Variants in SCN11A observed in about 807,000 individuals in gnomAD.
The protein encoded by SCN11A is sodium voltage-gated channel alpha subunit 11, also known as sodium channel protein type 11 subunit alpha.
A neutral mutation model predicts 162.2 loss-of-function variants in SCN11A; 122 were observed. That is an observed-to-expected ratio of 0.75 (90% CI 0.65 to 0.87). The LOEUF is 0.87. SCN11A is among the 40% of genes least tolerant of loss of function. The pLI is 0.00. For missense variants in SCN11A, 2,015 were observed against 2,181.6 expected (o/e 0.92, Z 1.52); for synonymous variants, 758 against 751.5 (o/e 1.01, Z -0.14).
intron 5 of SCN11A, among the ~76,000 whole-genome samples, chr3:38,949,510 T>C (rs1202711143): frequency 2.0e-5 from 3 of 152,236 alleles, no homozygotes; most frequent in Non-Finnish European, 4.4e-5. Context: ...CATCAGTTGT[T>C]GGTTTGAGCC....
chr3:38,940,352 T>C (rs2066422701), intron 7 of SCN11A, among the ~76,000 whole-genome samples: 2 of 152,206 alleles, frequency 1.3e-5, no homozygotes, highest in Non-Finnish European at 2.9e-5. Context: ...ACTAACCAAG[T>C]TGACTATAAA....
At chr3:38,989,186 A>T (rs1443194797) in intron 2 of SCN11A, among the ~76,000 whole-genome samples, 1 of 152,220 alleles carries the variant, frequency 6.6e-6, no homozygotes, top group Non-Finnish European at 1.5e-5. Flanking sequence ...CGCTCTGGTC[A>T]ACAGCCCTAG....
intron 2 of SCN11A, among the ~76,000 whole-genome samples, chr3:39,015,875 T>C (rs1183947070): frequency 6.6e-6 from 1 of 152,136 alleles, no homozygotes; most frequent in Non-Finnish European, 1.5e-5. Context: ...TAGCTGGGAT[T>C]ACAGACACTC....
At chr3:39,005,811 T>A (rs1028062331) in intron 2 of SCN11A, among the ~76,000 whole-genome samples, 1 of 152,262 alleles carries the variant, frequency 6.6e-6, no homozygotes, top group African/African-American at 2.4e-5. Context: ...TGAGCTTTAC[T>A]AATTTTTTCC....
At chr3:39,011,685 AG>A (rs1425434908) in intron 2 of SCN11A, among the ~76,000 whole-genome samples, 1 of 152,186 alleles carries the variant, frequency 6.6e-6, no homozygotes, top group Non-Finnish European at 1.5e-5. Context: ...TTATTTCTCA[AG>A]GCTAGCTAGA....
At chr3:39,005,674 C>T (rs1054044548) in intron 2 of SCN11A, among the ~76,000 whole-genome samples, 2 of 151,628 alleles carry the variant, frequency 1.3e-5, no homozygotes, top group African/African-American at 4.9e-5. Context: ...ATCAACTATC[C>T]ATATTTTTTT....
In SCN11A at chr3:39,042,645, T is replaced by A. The variant is rs761997133; in HGVS notation, c.-404+9216A>T. Among the ~76,000 whole-genome samples, 5 of 151,414 alleles carry A rather than the reference T, an allele frequency of 3.3e-5. 1 individual carries two copies. The South Asian group carries it at 1.0e-3, about 32-fold the overall frequency. On this transcript the variant is annotated intron_variant, in intron 1 of 29. Transcript: ENST00000302328. ...TAAACACTTCTATAGGGAAAAAAAATCTAATAATCTGATCAAGAAATGAGC... is the reference window on the plus strand; with the variant it reads ...TAAACACTTCTATAGGGAAAAAAAAACTAATAATCTGATCAAGAAATGAGC...
chr3:38,930,357 G>C (rs944953411), intron 7 of SCN11A, among the ~76,000 whole-genome samples: 1 of 152,222 alleles, frequency 6.6e-6, no homozygotes, highest in Non-Finnish European at 1.5e-5. Context: ...CACCTTTTGT[G>C]TGACAAATGA....
At chr3:38,950,685 T>C (rs972802414) in intron 4 of SCN11A, 1 of 330,042 alleles carries the variant, frequency 3.0e-6, no homozygotes, top group African/African-American at 2.1e-5. Flanking sequence ...GACCCAGACA[T>C]TAAGCAAGAC....
rs1347075787 is a variant in SCN11A, at chr3:38,863,294, AC to A, written c.3956del (p.Gly1319ValfsTer7). The A allele has an allele frequency of 3.2e-6, 5 of 1,546,710 alleles. No homozygotes were observed. Among genetic ancestry groups the A allele is most frequent in the Non-Finnish European group, 1.8e-6 (2 of 1,121,678 alleles). ...DNFNQQQKKL[G>X]GQDIFMTEEQ... ...CTTCTGTCATAAAAATGTCTTGGCC[AC>A]CTAAGTATATGGAGAAGATAAGAGC... is the stretch of plus-strand genomic sequence containing the variant. On this transcript the variant is annotated frameshift_variant, in exon 28 of 30. Transcript: ENST00000302328. LOFTEE classifies it high-confidence loss of function.
intron 19 of SCN11A, among the ~76,000 whole-genome samples, chr3:38,887,633 G>A (rs1347020666): frequency 2.6e-5 from 4 of 151,964 alleles, no homozygotes; most frequent in African/African-American, 2.4e-5. Flanking sequence ...AAAAACCCCC[G>A]CATTCCTTCC....
chr3:38,864,857 A>C (rs1354604219), intron 27 of SCN11A, among the ~76,000 whole-genome samples: 1 of 152,198 alleles, frequency 6.6e-6, no homozygotes. Context: ...ACAAACAAAC[A>C]AAAAGCTTCA....
chr3:38,924,532 C>A (rs2125551737), intron 9 of SCN11A, among the ~76,000 whole-genome samples: 1 of 152,214 alleles, frequency 6.6e-6, no homozygotes, highest in South Asian at 2.1e-4. Flanking sequence ...CACCACCACA[C>A]CTGATTACTT....
At chr3:38,963,386 TGATGGAGATATA>T (rs2066756985) in intron 2 of SCN11A, among the ~76,000 whole-genome samples, 2 of 63,020 alleles carry the variant, frequency 3.2e-5, no homozygotes, top group Non-Finnish European at 5.4e-5. Flanking sequence ...TATATATATA[TGATGGAGATATA>T]TATATATATA....
chr3:38,931,741 G>C (rs892325366), intron 7 of SCN11A, among the ~76,000 whole-genome samples: 13 of 152,200 alleles, frequency 8.5e-5, no homozygotes, highest in African/African-American at 3.1e-4. Context: ...CCCCACCAGA[G>C]GTACAAACAG....
intron 24 of SCN11A, 118 bp from the exon 25 acceptor site, chr3:38,871,826 C>G (rs116862470): frequency 3.6e-6 from 3 of 830,456 alleles, no homozygotes; most frequent in East Asian, 2.6e-5. Context: ...TGTCCTTAAT[C>G]TCCACATACA....
At chr3:38,889,436 T>C (rs2065457466) in intron 19 of SCN11A, among the ~76,000 whole-genome samples, 1 of 145,408 alleles carries the variant, frequency 6.9e-6, no homozygotes, top group Non-Finnish European at 1.5e-5. Context: ...AAAAAAAAAA[T>C]TACTTATTGC....
intron 2 of SCN11A, among the ~76,000 whole-genome samples, chr3:38,978,882 A>T (rs868116823): frequency 8.5e-5 from 13 of 152,172 alleles, no homozygotes; most frequent in Admixed American, 2.0e-4. Context: ...TGTCACTGCC[A>T]CAGGGTATTT....
chr3:38,968,570 CAT>C (rs1035709871), intron 2 of SCN11A, among the ~76,000 whole-genome samples: 7 of 152,196 alleles, frequency 4.6e-5, no homozygotes, highest in Admixed American at 1.3e-4. Flanking sequence ...GGAAAACACA[CAT>C]GCCTCCCCCC....
Sources: gnomAD v4.1 joint callset for allele counts (sites outside exome capture counted in the v4.1 genomes callset) on GRCh38, gnomAD v4.1.1 for gene constraint, MANE v1.5 for transcripts, NCBI Gene and HGNC (gene_info 2026-07-23, HGNC 2026-07-21) for gene names.